Variants in ASIC2 observed in about 807,000 individuals in gnomAD.
The protein encoded by ASIC2 is acid sensing ion channel subunit 2.
A neutral mutation model predicts 57.3 loss-of-function variants in ASIC2; 25 were observed. The ratio of observed to expected loss-of-function variants is 0.44; its 90% CI spans 0.32 to 0.61. ASIC2 has a LOEUF of 0.61. ASIC2 is among the 20% of genes least tolerant of loss of function. ASIC2 has a pLI of 0.06. For missense variants in ASIC2, 641 were observed against 738.1 expected (o/e 0.87, Z 1.52); for synonymous variants, 319 against 307.5 (o/e 1.04, Z -0.39).
chr17:33,309,242 G>A lies in ASIC2; in HGVS notation c.556-197175C>T, dbSNP rs113773978. ...CTTTCAAAATTCTTGGTCAGATGTC[G>A]TAGATTGTCTGCAGACACACATCTC... On this transcript the variant is annotated intron_variant, in intron 1 of 9. Transcript: ENST00000359872. Among the ~76,000 whole-genome samples the A allele has an allele frequency of 6.5e-3, 992 of 151,636 alleles. 8 individuals are homozygous for A. Among genetic ancestry groups the A allele is most frequent in the African/African-American group, 0.022 (912 of 41,284 alleles).
rs902175396 is a variant in ASIC2, at chr17:33,015,991, C to T, written c.1570G>A (p.Gly524Arg). Residue 524 changes from glycine to arginine, a missense_variant, in exon 9 of 10, where the codon GGG (glycine) becomes AGG (arginine). Coordinates refer to ENST00000225823, the MANE Select transcript of ASIC2 (RefSeq NM_183377.2). ...CTTACCACATTCTCATCGTGGCTCC[C>T]TTCGTCCTCCTCTTTGCCAAGCAGG... ...LDLLGKEEDE[G>R]SHDENVSTCD... 6.2e-7 allele frequency: 1 copy of T among 1,614,142 alleles called. No homozygotes were observed. The highest frequency in any genetic ancestry group is 1.1e-5 in the South Asian group (1 of 91,078).
At chr17:33,954,946 T>C (rs1207842968) in intron 1 of ASIC2, 1 of 152,200 alleles carries the variant, frequency 6.6e-6, no homozygotes, top group Non-Finnish European at 1.5e-5. Flanking sequence ...GGAAGAGTAT[T>C]ACACTGAGTA....
chr17:33,030,037 T>C (rs539300145), intron 3 of ASIC2, among the ~76,000 whole-genome samples: 1 of 152,244 alleles, frequency 6.6e-6, no homozygotes, highest in African/African-American at 2.4e-5. Context: ...GTCAGACACA[T>C]GTATTGTAAA....
At chr17:34,039,068 T>C in intron 1 of ASIC2, 1 of 1,614,162 alleles carries the variant, frequency 6.2e-7, no homozygotes, top group Admixed American at 1.7e-5. Flanking sequence ...TTCTTGCTCA[T>C]TGTCACACAT....
At chr17:33,601,409 C>T (rs1905112067) in intron 1 of ASIC2, among the ~76,000 whole-genome samples, 1 of 152,184 alleles carries the variant, frequency 6.6e-6, no homozygotes, top group African/African-American at 2.4e-5. Context: ...CTGCTCCCCA[C>T]ATTTTGGCAC....
intron 1 of ASIC2, among the ~76,000 whole-genome samples, chr17:33,725,102 C>T (rs1229636053): frequency 6.6e-6 from 1 of 152,188 alleles, no homozygotes; most frequent in East Asian, 1.9e-4. Flanking sequence ...CGTGGGGCAT[C>T]CCCCTGTGGT....
In ASIC2 at chr17:33,021,248, T is replaced by G. The variant is rs529107782; in HGVS notation, c.1412A>C (p.Lys471Thr). The G allele has an allele frequency of 6.4e-7, 1 of 1,562,580 alleles. No individual in the cohort carries two copies. The highest frequency in any genetic ancestry group is 1.1e-5 in the South Asian group (1 of 90,268). The change falls in exon 7 of 10, where the codon AAG (lysine) becomes ACG (threonine). Residue 471 changes from lysine (K) to threonine (T), a missense_variant. Lys to Thr is a moderately conservative substitution (Grantham distance 78). This residue lies in a region of ASIC2 where 252 missense variants were observed against 319.8 expected (regional missense o/e 0.79). Coordinates refer to ENST00000225823, the MANE Select transcript of ASIC2 (RefSeq NM_183377.2). ...EALNYETIEQ[K>T]KAYEVAALLG... ...TAAGGCAGCAACTTCATACGCCTTCTTCTGTTCAATTGTCTCATAATTGAG... is the reference window on the plus strand; with the variant it reads ...TAAGGCAGCAACTTCATACGCCTTCGTCTGTTCAATTGTCTCATAATTGAG...
At chr17:33,262,349 G>T (rs1401162334) in intron 1 of ASIC2, among the ~76,000 whole-genome samples, 1 of 150,866 alleles carries the variant, frequency 6.6e-6, no homozygotes, top group Non-Finnish European at 1.5e-5. Flanking sequence ...GGGAGAAAAG[G>T]AGGAAGAGGG....
At chr17:33,342,319 T>A (rs1907753744) in intron 1 of ASIC2, among the ~76,000 whole-genome samples, 1 of 91,782 alleles carries the variant, frequency 1.1e-5, no homozygotes, top group Non-Finnish European at 2.4e-5. Flanking sequence ...TGTGTGTGTG[T>A]GTACATGTGT....
At position 33,632,719 on chromosome 17, in the gene ASIC2, A is replaced by G. The variant is rs114290848; in HGVS notation, c.556-520652T>C. On this transcript the variant is annotated intron_variant, in intron 1 of 9. Coordinates refer to the ASIC2 transcript ENST00000359872. ...AGTGCAAAGATTACAGATGTGAACC[A>G]GTGTACCTGGCCTGGTCCACCCTTT... Among the ~76,000 whole-genome samples, 942 of 152,312 alleles carry G rather than the reference A, an allele frequency of 6.2e-3. 16 individuals are homozygous for G. Among genetic ancestry groups the G allele is most frequent in the African/African-American group, 0.022 (901 of 41,564 alleles).
intron 1 of ASIC2, among the ~76,000 whole-genome samples, chr17:33,585,415 T>C (rs897819882): frequency 6.6e-6 from 1 of 152,200 alleles, no homozygotes; most frequent in Admixed American, 6.5e-5. Flanking sequence ...TTTGAAGAAA[T>C]TCAAATCTTA....
At chr17:33,383,726 GC>G (rs1264095424) in intron 1 of ASIC2, among the ~76,000 whole-genome samples, 1 of 152,334 alleles carries the variant, frequency 6.6e-6, no homozygotes, top group African/African-American at 2.4e-5. Context: ...AATACAATGA[GC>G]TTTTGCTCAT....
intron 1 of ASIC2, among the ~76,000 whole-genome samples, chr17:33,331,012 G>A (rs540349279): frequency 7.6e-4 from 116 of 152,178 alleles, no homozygotes; most frequent in Middle Eastern, 6.8e-3. Context: ...GTTATGAACC[G>A]GGCTGCACAG....
chr17:33,709,251 T>C (rs73282732), intron 1 of ASIC2, among the ~76,000 whole-genome samples: 1,764 of 152,364 alleles, frequency 0.012, 26 homozygotes, highest in African/African-American at 0.04. Flanking sequence ...AAGTGTTATA[T>C]GCCTCCTGCA....
chr17:33,287,281 G>A (rs750623580), intron 1 of ASIC2, among the ~76,000 whole-genome samples: 8 of 152,360 alleles, frequency 5.3e-5, no homozygotes, highest in Middle Eastern at 3.4e-3. Context: ...AAAGACCCAC[G>A]CTGAGGTCTG....
chr17:34,031,241 C>T (rs1907597441), intron 1 of ASIC2, among the ~76,000 whole-genome samples: 1 of 152,234 alleles, frequency 6.6e-6, no homozygotes, highest in Non-Finnish European at 1.5e-5. Context: ...TGTGGATACC[C>T]AGGCAAACAG....
At chr17:33,078,490 G>A (rs2092098715) in intron 3 of ASIC2, among the ~76,000 whole-genome samples, 3 of 152,208 alleles carry the variant, frequency 2.0e-5, no homozygotes. Flanking sequence ...AGAGATCATT[G>A]CACAATATTC....
At chr17:33,710,703 T>G (rs12450212) in intron 1 of ASIC2, among the ~76,000 whole-genome samples, 15,448 of 152,178 alleles carry the variant, frequency 0.1, 859 homozygotes, top group East Asian at 0.14. Flanking sequence ...TTTACAAATA[T>G]GAAAACTGAG....
chr17:33,424,382 G>C (rs1413565204), intron 1 of ASIC2, among the ~76,000 whole-genome samples: 2 of 152,216 alleles, frequency 1.3e-5, no homozygotes, highest in East Asian at 1.9e-4. Context: ...AGAGAAACTA[G>C]GGGGTTATAA....
Sources: gnomAD v4.1 joint callset for allele counts (sites outside exome capture counted in the v4.1 genomes callset) on GRCh38, gnomAD v4.1.1 for gene constraint, gnomAD v4.1.1 regional missense constraint, MANE v1.5 for transcripts, NCBI Gene and HGNC (gene_info 2026-07-23, HGNC 2026-07-21) for gene names.